LARGE1: variants seen among roughly 807,000 people sequenced by gnomAD.
LARGE1 encodes the protein xylosyl- and glucuronyltransferase LARGE1.
Under a neutral mutation model 87.6 loss-of-function variants are expected in LARGE1, and 43 were observed. The ratio of observed to expected loss-of-function variants is 0.49; its 90% CI spans 0.38 to 0.63. LARGE1 has a LOEUF of 0.63. Among genes scored for constraint, LARGE1 ranks in the 30% least tolerant of loss-of-function variants. The probability of loss-of-function intolerance (pLI) is 0.00; values close to 1 mark genes in which losing one functional copy is unlikely to be tolerated. For missense variants in LARGE1, 802 were observed against 1,000.2 expected (o/e 0.80, Z 2.67); for synonymous variants, 434 against 394.6 (o/e 1.10, Z -1.18).
intron 11 of LARGE1, among the ~76,000 whole-genome samples, chr22:33,206,405 T>C (rs1924687792): frequency 6.6e-6 from 1 of 151,744 alleles, no homozygotes; most frequent in African/African-American, 2.4e-5. Flanking sequence ...TTGCATGACT[T>C]TTTTTTTCCA....
chr22:33,692,942 C>T (rs1300284076), intron 2 of LARGE1, among the ~76,000 whole-genome samples: 1 of 152,142 alleles, frequency 6.6e-6, no homozygotes, highest in Non-Finnish European at 1.5e-5. Flanking sequence ...AAGACACATG[C>T]ACACATATGT....
chr22:33,136,602 T>C, the LARGE1 span, among the ~76,000 whole-genome samples: 3 of 151,844 alleles, frequency 2.0e-5, no homozygotes, highest in African/African-American at 4.9e-5. Context: ...TAGTGTTGAA[T>C]TGACACCCTA....
At chr22:33,345,510 G>T (rs1939645596) in intron 9 of LARGE1, among the ~76,000 whole-genome samples, 1 of 152,214 alleles carries the variant, frequency 6.6e-6, no homozygotes, top group Non-Finnish European at 1.5e-5. Context: ...GCAGAGAGAG[G>T]GAGGCATGGA....
At chr22:33,635,798 A>C (rs1278999414) in intron 3 of LARGE1, among the ~76,000 whole-genome samples, 1 of 152,232 alleles carries the variant, frequency 6.6e-6, no homozygotes, top group Non-Finnish European at 1.5e-5. Context: ...AAATCATGTT[A>C]CAAACCTCCA....
chr22:33,712,147 GT>G, intron 2 of LARGE1, among the ~76,000 whole-genome samples: 1 of 152,110 alleles, frequency 6.6e-6, no homozygotes, highest in African/African-American at 2.4e-5. Context: ...ACCCCAGGAA[GT>G]TTGAGTCTGG....
chr22:33,754,898 C>A (rs916967863), intron 2 of LARGE1, among the ~76,000 whole-genome samples: 1 of 152,128 alleles, frequency 6.6e-6, no homozygotes, highest in African/African-American at 2.4e-5. Context: ...AGCACACTCT[C>A]TGGGATGAGG....
chr22:33,712,637 AGTGTGTGTGTGTGTGTGTGTGTGT>A (rs34754283), intron 2 of LARGE1, among the ~76,000 whole-genome samples: 10 of 134,636 alleles, frequency 7.4e-5, no homozygotes, highest in African/African-American at 2.0e-4. Context: ...TGAGGGGTAC[AGTGTGTGTGTGTGTGTGTGTGTGT>A]GTGTGTGTGT....
rs1264250253 is a variant in LARGE1, at chr22:33,869,225, C to T, written c.-83+50770G>A. 2.0e-5 allele frequency among the ~76,000 whole-genome samples: 3 copies of T among 152,116 alleles called. No individual in the cohort carries two copies. In the East Asian group the frequency reaches 5.8e-4, roughly 29 times the overall value. On this transcript the variant is annotated intron_variant, in intron 1 of 14. Transcript: ENST00000397394. ...CATCCTCCTCTTGTCTGTCGGTTGG[C>T]TACTCCCTGCTTGATCTGACCCCTG...
chr22:33,128,173 T>A, the LARGE1 span, among the ~76,000 whole-genome samples: 4 of 152,186 alleles, frequency 2.6e-5, no homozygotes, highest in African/African-American at 4.8e-5. Flanking sequence ...GGTGGGAATG[T>A]AAATTAGTTC....
chr22:33,914,536 G>A (rs753517304), intron 1 of LARGE1, among the ~76,000 whole-genome samples: 5 of 152,146 alleles, frequency 3.3e-5, no homozygotes, highest in Admixed American at 6.5e-5. Context: ...CAGAACTAAC[G>A]GGTTTCCACC....
chr22:33,480,836 C>A (rs1602046972), intron 6 of LARGE1, among the ~76,000 whole-genome samples: 1 of 152,112 alleles, frequency 6.6e-6, no homozygotes, highest in African/African-American at 2.4e-5. Flanking sequence ...TACTATATAA[C>A]CTACTTACTC....
At chr22:33,698,096 T>G (rs1433139617) in intron 2 of LARGE1, among the ~76,000 whole-genome samples, 1 of 152,098 alleles carries the variant, frequency 6.6e-6, no homozygotes, top group Non-Finnish European at 1.5e-5. Context: ...TAAGATGGAG[T>G]CTCACTCACT....
intron 7 of LARGE1, among the ~76,000 whole-genome samples, chr22:33,430,279 A>T (rs1329735789): frequency 1.3e-5 from 2 of 152,152 alleles, no homozygotes; most frequent in Non-Finnish European, 2.9e-5. Flanking sequence ...GAGACTGACA[A>T]CCATAAAGCA....
intron 1 of LARGE1, among the ~76,000 whole-genome samples, chr22:33,795,703 C>T (rs1034199263): frequency 1.4e-4 from 22 of 152,082 alleles, no homozygotes; most frequent in African/African-American, 4.6e-4. Flanking sequence ...CGTTCAGGGA[C>T]GTGGATGAAG....
intron 12 of LARGE1, among the ~76,000 whole-genome samples, chr22:33,296,569 C>CTTTTT (rs66851772): frequency 1.5e-5 from 2 of 133,932 alleles, no homozygotes; most frequent in Admixed American, 7.6e-5. Context: ...TTTTTCTTTT[C>CTTTTT]TTTTTTTTTT....
intron 6 of LARGE1, among the ~76,000 whole-genome samples, chr22:33,462,493 C>G (rs1183898336): frequency 1.3e-5 from 2 of 152,070 alleles, no homozygotes; most frequent in African/African-American, 4.8e-5. Flanking sequence ...TAAAAATATA[C>G]CCACTGAGGC....
chr22:33,796,304 G>A (rs929386872), intron 1 of LARGE1, among the ~76,000 whole-genome samples: 6 of 152,172 alleles, frequency 3.9e-5, no homozygotes, highest in South Asian at 4.2e-4. Context: ...TGGTTTCAAC[G>A]AGAAGTGGAG....
At chr22:33,447,129 G>A (rs2067714652) in intron 6 of LARGE1, among the ~76,000 whole-genome samples, 1 of 152,140 alleles carries the variant, frequency 6.6e-6, no homozygotes, top group Non-Finnish European at 1.5e-5. Flanking sequence ...CCTGACCTCA[G>A]GTGATCCACC....
intron 11 of LARGE1, among the ~76,000 whole-genome samples, chr22:33,191,034 C>T (rs1923750071): frequency 6.6e-6 from 1 of 152,186 alleles, no homozygotes; most frequent in Middle Eastern, 3.2e-3. Flanking sequence ...GTTTCCTTGA[C>T]TAGGCTGTGA....
Sources: gnomAD v4.1 joint callset for allele counts (sites outside exome capture counted in the v4.1 genomes callset) on GRCh38, gnomAD v4.1.1 for gene constraint, MANE v1.5 for transcripts, NCBI Gene and HGNC (gene_info 2026-07-23, HGNC 2026-07-21) for gene names.